Variants in AK5 observed in about 807,000 individuals in gnomAD.
AK5 encodes the protein adenylate kinase 5, also known as adenylate kinase isoenzyme 5.
Under a neutral mutation model 69.5 loss-of-function variants are expected in AK5, and 27 were observed. That is an observed-to-expected ratio of 0.39 (90% CI 0.29 to 0.54). AK5 has a LOEUF of 0.54. Ranked by LOEUF, AK5 falls within the 20% of genes least tolerant of loss-of-function variation. The pLI, the probability that AK5 is intolerant of heterozygous loss-of-function variation, is 0.71. For synonymous variants in AK5, 260 were observed against 244.4 expected (o/e 1.06, Z -0.60); for missense variants, 531 against 700.4 (o/e 0.76, Z 2.73).
chr1:77,390,409 G>A (rs1648344764), intron 6 of AK5, among the ~76,000 whole-genome samples: 1 of 152,198 alleles, frequency 6.6e-6, no homozygotes, highest in Admixed American at 6.5e-5. Context: ...CTGCATATAT[G>A]TTGGATGGCC....
chr1:77,312,247 T>C (rs755868602), intron 5 of AK5, among the ~76,000 whole-genome samples: 5 of 152,132 alleles, frequency 3.3e-5, no homozygotes, highest in Non-Finnish European at 7.3e-5. Flanking sequence ...TACATGGATA[T>C]GGGTTGAGTT....
intron 9 of AK5, among the ~76,000 whole-genome samples, chr1:77,484,517 T>A (rs1655468135): frequency 6.6e-6 from 1 of 152,188 alleles, no homozygotes; most frequent in Non-Finnish European, 1.5e-5. Flanking sequence ...AAATGACATC[T>A]TGGTGATTCA....
At chr1:77,530,249 G>A (rs1217900366) in intron 12 of AK5, among the ~76,000 whole-genome samples, 1 of 152,208 alleles carries the variant, frequency 6.6e-6, no homozygotes. Context: ...GTTCACTGCA[G>A]AACTTAGAGC....
intron 13 of AK5, among the ~76,000 whole-genome samples, chr1:77,557,704 T>C (rs1338263034): frequency 1.3e-5 from 2 of 152,074 alleles, no homozygotes; most frequent in Non-Finnish European, 2.9e-5. Context: ...TGCAGAACAC[T>C]CAGAAGTCTC....
In AK5 at chr1:77,559,914, C is replaced by A. The variant is rs1454254168; in HGVS notation, c.*1244C>A. On this transcript the variant is annotated 3_prime_UTR_variant, in exon 14 of 14. Transcript: ENST00000354567. ...TGGGATAGAATTGTATTTTTTAAGT[C>A]ATTTTTTTTTCTTGAAATGGATATG... 1 of 150,766 alleles carries A rather than the reference C, an allele frequency of 6.6e-6. No individual in the cohort carries two copies. The highest frequency in any genetic ancestry group is 2.5e-5 in the African/African-American group (1 of 40,600). The allele number at this position is 150,766 out of a possible 1,614,324, so 9.3% of individuals were successfully genotyped here.
chr1:77,447,049 A>C (rs775055488), intron 8 of AK5, among the ~76,000 whole-genome samples: 4 of 152,240 alleles, frequency 2.6e-5, no homozygotes, highest in African/African-American at 9.6e-5. Context: ...AAATAAGAAC[A>C]GGGATATTGA....
At chr1:77,327,962 A>T (rs2100344569) in intron 5 of AK5, among the ~76,000 whole-genome samples, 1 of 152,302 alleles carries the variant, frequency 6.6e-6, no homozygotes, top group Non-Finnish European at 1.5e-5. Flanking sequence ...ATGTATATGA[A>T]ACAAAACCCC....
intron 8 of AK5, among the ~76,000 whole-genome samples, chr1:77,451,622 T>C (rs2100658112): frequency 6.6e-6 from 1 of 152,376 alleles, no homozygotes; most frequent in Middle Eastern, 3.4e-3. Flanking sequence ...CACATGTAAG[T>C]ACTTGGGTAC....
At chr1:77,337,071 C>T (rs1434272012) in intron 5 of AK5, among the ~76,000 whole-genome samples, 1 of 152,134 alleles carries the variant, frequency 6.6e-6, no homozygotes, top group Non-Finnish European at 1.5e-5. Context: ...GTATTCCACT[C>T]AATTTTTCTG....
At chr1:77,502,553 T>C (rs1399236422) in intron 10 of AK5, among the ~76,000 whole-genome samples, 1 of 152,198 alleles carries the variant, frequency 6.6e-6, no homozygotes, top group African/African-American at 2.4e-5. Context: ...GTAGATAACA[T>C]GTTTCTATGA....
intron 12 of AK5, among the ~76,000 whole-genome samples, chr1:77,531,643 TTAGCTAGACA>T (rs1178394645): frequency 6.6e-6 from 1 of 152,138 alleles, no homozygotes; most frequent in Admixed American, 6.5e-5. Flanking sequence ...TTACAATCCC[TTAGCTAGACA>T]TAAAGGTTCT....
At chr1:77,292,010 G>C (rs1030266212) in intron 2 of AK5, among the ~76,000 whole-genome samples, 6 of 152,174 alleles carry the variant, frequency 3.9e-5, no homozygotes, top group Non-Finnish European at 7.4e-5. Flanking sequence ...AGTTGATTGT[G>C]GTGGCAAGCA....
At chr1:77,516,077 AAAAG>A (rs939478412) in intron 10 of AK5, among the ~76,000 whole-genome samples, 3 of 152,202 alleles carry the variant, frequency 2.0e-5, no homozygotes, top group Admixed American at 6.5e-5. Context: ...TCAAAGAAAA[AAAAG>A]AAAGAAAGAA....
intron 7 of AK5, among the ~76,000 whole-genome samples, chr1:77,416,657 C>G (rs1356267218): frequency 6.6e-6 from 1 of 151,874 alleles, no homozygotes; most frequent in Non-Finnish European, 1.5e-5. Context: ...AAGGACATAC[C>G]CCGACTCATT....
rs79499852 is a variant in AK5, at chr1:77,453,584, A to G, written c.1060-29733A>G. On this transcript the variant is annotated intron_variant, in intron 8 of 13. Coordinates refer to ENST00000354567, the MANE Select transcript of AK5 (RefSeq NM_174858.3). ...AATTTGTTGCAGTGAATGTCCTGAT[A>G]CTGTTTTTTTGCTCCATTGTGTAAG... Among the ~76,000 whole-genome samples, 1,791 of 152,260 alleles carry G rather than the reference A, an allele frequency of 0.012. 109 individuals are homozygous for G. The East Asian group carries it at 0.19, about 16-fold the overall frequency.
chr1:77,457,534 A>G (rs954546392), intron 8 of AK5, among the ~76,000 whole-genome samples: 1 of 151,868 alleles, frequency 6.6e-6, no homozygotes, highest in African/African-American at 2.4e-5. Flanking sequence ...CATAGTTTTA[A>G]TTTTCAAGAG....
intron 10 of AK5, among the ~76,000 whole-genome samples, chr1:77,514,035 T>C (rs544254419): frequency 6.6e-6 from 1 of 152,270 alleles, no homozygotes; most frequent in South Asian, 2.1e-4. Context: ...TCGAGACCTG[T>C]AGGGAAATGA....
intron 3 of AK5, among the ~76,000 whole-genome samples, chr1:77,294,833 G>A (rs1658894706): frequency 6.6e-6 from 1 of 151,978 alleles, no homozygotes; most frequent in African/African-American, 2.4e-5. Context: ...TTTCAGACCA[G>A]CCTGGTCAAC....
intron 8 of AK5, among the ~76,000 whole-genome samples, chr1:77,432,752 T>C (rs1214422442): frequency 6.6e-6 from 1 of 152,196 alleles, no homozygotes; most frequent in Non-Finnish European, 1.5e-5. Flanking sequence ...GCGTAGACTT[T>C]TTTTTATTTA....
Sources: gnomAD v4.1 joint callset for allele counts (sites outside exome capture counted in the v4.1 genomes callset) on GRCh38, gnomAD v4.1.1 for gene constraint, MANE v1.5 for transcripts, NCBI Gene and HGNC (gene_info 2026-07-23, HGNC 2026-07-21) for gene names.